The following FAAP100 variants were observed in gnomAD, a reference collection of about 807,000 sequenced individuals.
The protein encoded by FAAP100 is Fanconi anemia core complex-associated protein 100.
Under a neutral mutation model 65.8 loss-of-function variants are expected in FAAP100, and 46 were observed. The ratio of observed to expected loss-of-function variants is 0.70; its 90% CI spans 0.55 to 0.89. The LOEUF (loss-of-function observed/expected upper bound fraction) is 0.89, where lower values mean the gene tolerates loss of function less well. Among genes scored for constraint, FAAP100 ranks in the 40% least tolerant of loss-of-function variants. The probability of loss-of-function intolerance (pLI) is 0.00; values close to 1 mark genes in which losing one functional copy is unlikely to be tolerated. For synonymous variants in FAAP100, 663 were observed against 555.1 expected, an observed-to-expected ratio of 1.19 and a Z score of -2.73; for missense variants, 1,165 against 1,196.7, an observed-to-expected ratio of 0.97 and a Z score of 0.39.
rs1472765342 is a variant in FAAP100 at position 81,552,029 on chromosome 17, C to G, written c.189G>C (p.Gln63His). ...LLTAAFRFPD[Q>H]VWHLELLAPR... is the part of the protein sequence containing the mutation. ...GCGCCAGCAGCTCCAGGTGCCACACCTGGTCGGGGAACCGGAACGCCGCCT... is the reference window on the plus strand; with the variant it reads ...GCGCCAGCAGCTCCAGGTGCCACACGTGGTCGGGGAACCGGAACGCCGCCT... The change falls in exon 2 of 9, where the codon CAG becomes CAC. Residue 63 changes from glutamine (Q) to histidine (H), a missense_variant. Physicochemically the swap from Gln to His is conservative, Grantham distance 24. Coordinates refer to ENST00000327787, the MANE Select transcript of FAAP100 (RefSeq NM_025161.6). 1 of 1,543,634 alleles carries G rather than the reference C, an allele frequency of 6.5e-7. No individual in the cohort carries two copies. Among genetic ancestry groups the G allele is most frequent in the South Asian group, 1.2e-5 (1 of 83,964 alleles).
chr17:81,547,555 G>A lies in FAAP100; in HGVS notation c.1527C>T (p.Thr509=), dbSNP rs994831096. 6.2e-7 allele frequency: 1 copy of A among 1,613,486 alleles called. No homozygotes were observed. The change falls in exon 5 of 9, where the codon ACC becomes ACT. Residue 509 remains threonine (T), a synonymous_variant. Transcript: ENST00000327787. ...GCAGGCGGCTCCAGGTGGTGCTGGT[G>A]GTGCAGGAGATGGGTCTGGGGCCCG... ...SGTGPRPISC[T]TSTTWSRLQT... is the part of the protein sequence containing the mutation.
chr17:81,541,026 C>T (rs2033075166), intron 8 of FAAP100, 76 bp from the exon 9 acceptor site: 5 of 1,451,868 alleles, frequency 3.4e-6, no homozygotes, highest in South Asian at 1.4e-5. Flanking sequence ...GGGGGACCCA[C>T]CACTCGCAGG....
At chr17:81,548,732 C>T (rs975949743) in intron 4 of FAAP100, among the ~76,000 whole-genome samples, 4 of 151,458 alleles carry the variant, frequency 2.6e-5, no homozygotes, top group Non-Finnish European at 4.4e-5. Context: ...GAGTGAAATT[C>T]TCTCTCAAAA....
rs1050980691 is a variant in FAAP100, at chr17:81,541,571, C to G, written c.2428-176G>C. ...TTGCTGTTCATCTCGACTTCCTGCC[C>G]TCCAGAGCGGCAGGGCACAGAGCCC... is the stretch of plus-strand genomic sequence containing the variant. On this transcript the variant is annotated intron_variant, in intron 7 of 8. Coordinates refer to ENST00000327787, the MANE Select transcript of FAAP100 (RefSeq NM_025161.6). 3.9e-5 allele frequency among the ~76,000 whole-genome samples: 6 copies of G among 152,256 alleles called. No individual in the cohort carries two copies. The South Asian group carries it at 1.2e-3, about 32-fold the overall frequency.
chr17:81,540,029 C>G lies in FAAP100; in HGVS notation c.*790G>C, dbSNP rs1000929161. On this transcript the variant is annotated 3_prime_UTR_variant, in exon 9 of 9. Transcript: ENST00000327787. ...AAAACACCAGCACCAGGAGGTGGGC[C>G]GTAGCCCAGGCTGAGGGAGGAGGCT... The G allele has an allele frequency of 7.5e-6, 3 of 398,810 alleles. No individual in the cohort carries two copies. Among genetic ancestry groups the G allele is most frequent in the African/African-American group, 4.1e-5 (2 of 48,612 alleles). The allele number at this position is 398,810 out of a possible 1,614,324, so 24.7% of individuals were successfully genotyped here. A position where few individuals can be genotyped will look rare whatever the true frequency, so the allele number is the denominator to read the frequency against.
chr17:81,551,739 T>G (rs773453937), intron 2 of FAAP100, 189 bp downstream of exon 2: 46 of 1,355,492 alleles, frequency 3.4e-5, no homozygotes, highest in Middle Eastern at 5.4e-4. Flanking sequence ...TACTAAGGAC[T>G]GTGAGCAAGA....
chr17:81,543,916 C>G (rs936647360), intron 7 of FAAP100, 88 bp downstream of exon 7: 1 of 1,239,650 alleles, frequency 8.1e-7, no homozygotes, highest in Non-Finnish European at 1.1e-6. Flanking sequence ...AGCCGCAGAC[C>G]CCGTGGCCAG....
At chr17:81,552,535 T>C (rs993691482), upstream of FAAP100, among the ~76,000 whole-genome samples, 8 of 152,076 alleles carry the variant, frequency 5.3e-5, no homozygotes, top group African/African-American at 1.9e-4. Context: ...GGAGCCTTCC[T>C]AGGGGCCGCG....
At position 81,545,023 on chromosome 17, in the gene FAAP100, A is replaced by C. The variant is rs2033249366; in HGVS notation, c.2310+723T>G. Among the ~76,000 whole-genome samples the C allele has an allele frequency of 2.0e-5, 3 of 152,332 alleles. No homozygotes were observed. The South Asian group carries it at 6.2e-4, about 32-fold the overall frequency. ...CGTCTCTACTAAAAACACAAAAATT[A>C]GCTGGGTGTGGTGGTGGGTGCCTGT... is the stretch of plus-strand genomic sequence containing the variant. On this transcript the variant is annotated intron_variant, in intron 6 of 8. Coordinates refer to ENST00000327787, the MANE Select transcript of FAAP100 (RefSeq NM_025161.6).
Position 81,552,065 on chromosome 17 carries a change from G to A in FAAP100, c.166-13C>T, listed in dbSNP as rs756860172. On this transcript the variant is annotated splice_polypyrimidine_tract_variant and intron_variant, in intron 1 of 8. Coordinates refer to ENST00000327787, the MANE Select transcript of FAAP100 (RefSeq NM_025161.6). Reference sequence around the variant, plus strand: ...ACCGGAACGCCGCCTGCGGACCGGGGCGCGGGTCAGGCCGACGCGACGCGC... The same window carrying A: ...ACCGGAACGCCGCCTGCGGACCGGGACGCGGGTCAGGCCGACGCGACGCGC... 1.5e-5 allele frequency: 22 copies of A among 1,497,924 alleles called. No homozygotes were observed. The highest frequency in any genetic ancestry group is 1.5e-5 in the Non-Finnish European group (17 of 1,133,986). The allele number at this position is 1,497,924 out of a possible 1,614,324, so 92.8% of individuals were successfully genotyped here.
chr17:81,542,771 G>T (rs958734168), intron 7 of FAAP100, among the ~76,000 whole-genome samples: 2 of 152,150 alleles, frequency 1.3e-5, no homozygotes, highest in Non-Finnish European at 2.9e-5. Context: ...ACTGGGGTGG[G>T]TCTGACCCCA....
Position 81,545,703 on chromosome 17 carries a change from G to C in FAAP100, c.2310+43C>G, listed in dbSNP as rs1426439281. On this transcript the variant is annotated intron_variant, in intron 6 of 8. Coordinates refer to ENST00000327787, the MANE Select transcript of FAAP100 (RefSeq NM_025161.6). ...CTCCGGCCCAGGGGCCCCACCCCAAGAACTGCTGGTGCCGTGGCTCGTTTC... is the reference window on the plus strand; with the variant it reads ...CTCCGGCCCAGGGGCCCCACCCCAACAACTGCTGGTGCCGTGGCTCGTTTC... 2.5e-6 allele frequency: 4 copies of C among 1,582,606 alleles called. No homozygotes were observed. The African/African-American group carries it at 5.4e-5, about 21-fold the overall frequency.
At position 81,547,682 on chromosome 17, in the gene FAAP100, CGAA is replaced by C. The variant is rs1568096578; in HGVS notation, c.1404-7_1404-5del. The C allele has an allele frequency of 6.2e-7, 1 of 1,608,868 alleles. No individual in the cohort carries two copies. The highest frequency in any genetic ancestry group is 1.3e-5 in the African/African-American group (1 of 75,012). On this transcript the variant is annotated splice_polypyrimidine_tract_variant and splice_region_variant and intron_variant, in intron 4 of 8. Transcript: ENST00000327787. ...CGCCTTCTTTAGAAAAGACACTCTG[CGAA>C]GGACAGACATGACCCCCGGGAGCGG...
chr17:81,551,072 A>ACACTGT lies in FAAP100; in HGVS notation c.421_422insACAGTG (p.Leu140_Val141insAspSer), dbSNP rs1471876251. ...TCGGGCAGGGCCCTGCACCAGGGTGACCAGCACACTGTCCAGCAAGGTGAA... is the reference window on the plus strand; with the variant it reads ...TCGGGCAGGGCCCTGCACCAGGGTGACACTGTCCAGCACACTGTCCAGCAAGGTGAA... On this transcript the variant is annotated inframe_insertion, in exon 3 of 9. Transcript: ENST00000327787. The ACACTGT allele has an allele frequency of 2.5e-6, 4 of 1,586,828 alleles. No homozygotes were observed. The highest frequency in any genetic ancestry group is 1.7e-6 in the Non-Finnish European group (2 of 1,166,912).
intron 4 of FAAP100, 65 bp downstream of exon 4, chr17:81,549,141 A>T: frequency 1.3e-6 from 2 of 1,570,962 alleles, no homozygotes; most frequent in Non-Finnish European, 1.7e-6. Flanking sequence ...ACGACCCCAC[A>T]CAGGGACGCT....
chr17:81,541,177 C>T (rs955342946), intron 8 of FAAP100, 132 bp downstream of exon 8: 59 of 1,182,874 alleles, frequency 5.0e-5, no homozygotes, highest in Admixed American at 3.3e-4. Flanking sequence ...TCGGACTTTG[C>T]CCCAGGCCCA....
chr17:81,550,919 T>G lies in FAAP100; in HGVS notation c.575A>C (p.His192Pro). 1.2e-6 allele frequency: 2 copies of G among 1,612,394 alleles called. No homozygotes were observed. Among genetic ancestry groups the G allele is most frequent in the Non-Finnish European group, 1.7e-6 (2 of 1,179,800 alleles). The change falls in exon 3 of 9, where the codon CAC (histidine) becomes CCC (proline). Residue 192 changes from histidine (H) to proline (P), a missense_variant. Physicochemically the swap from His to Pro is moderately conservative, Grantham distance 77. Transcript: ENST00000327787. Reference protein sequence around the residue: ...AGVPGKPAAPHFLPVLCSVSP... With the variant: ...AGVPGKPAAPPFLPVLCSVSP... The stretch of plus-strand genomic sequence containing the variant: ...CACAGAGCACAGCACTGGAAGGAAG[T>G]GGGGGGCTGCAGGCTTTCCTGGGAC...
intron 5 of FAAP100, chr17:81,546,335 A>G (rs2033298878): frequency 6.0e-6 from 1 of 165,892 alleles, no homozygotes; most frequent in South Asian, 1.7e-4. Flanking sequence ...TCTCACACAC[A>G]TGGGGGAGCA....
intron 6 of FAAP100, among the ~76,000 whole-genome samples, chr17:81,544,711 G>C (rs938249250): frequency 8.5e-5 from 13 of 152,342 alleles, no homozygotes; most frequent in African/African-American, 2.9e-4. Context: ...CAAGAGGTGA[G>C]ACGCCAGGGG....
Sources: allele counts gnomAD v4.1 joint callset (sites outside exome capture counted in the v4.1 genomes callset), GRCh38; gene constraint gnomAD v4.1.1; transcripts MANE v1.5; gene names NCBI Gene and HGNC (gene_info 2026-07-23, HGNC 2026-07-21).